Variants in DNAH5 observed in about 807,000 individuals in gnomAD.
DNAH5 encodes the protein dynein axonemal heavy chain 5.
DNAH5 carries 372 observed loss-of-function variants against 518.2 expected under a neutral mutation model. The observed-to-expected ratio is 0.72, with a 90% CI of 0.66 to 0.78. DNAH5 has a LOEUF of 0.78. Among genes scored for constraint, DNAH5 ranks in the 30% least tolerant of loss-of-function variants. The probability of loss-of-function intolerance (pLI) is 0.00; values close to 1 mark genes in which losing one functional copy is unlikely to be tolerated. For synonymous variants in DNAH5, 2,039 were observed against 2,025.9 expected (o/e 1.01, Z -0.17); for missense variants, 5,523 against 5,687.0 (o/e 0.97, Z 0.93).
At chr5:13,739,235 A>C (rs1209231736) in intron 65 of DNAH5, among the ~76,000 whole-genome samples, 1 of 152,186 alleles carries the variant, frequency 6.6e-6, no homozygotes, top group Non-Finnish European at 1.5e-5. Flanking sequence ...TGTAATCCCC[A>C]CAATCCCCAA....
intron 35 of DNAH5, among the ~76,000 whole-genome samples, chr5:13,835,037 C>A (rs1408006682): frequency 1.3e-5 from 2 of 152,134 alleles, no homozygotes; most frequent in African/African-American, 2.4e-5. Context: ...ATAATCCCAG[C>A]ACTTTGGGAG....
At chr5:13,931,355 T>C (rs549427731) in intron 1 of DNAH5, 111 bp from the exon 2 acceptor site, 2 of 1,288,448 alleles carry the variant, frequency 1.6e-6, no homozygotes, top group East Asian at 2.3e-5. Context: ...ATCCAGATAA[T>C]AGACAGCTTA....
intron 59 of DNAH5, among the ~76,000 whole-genome samples, chr5:13,764,421 C>G (rs559457279): frequency 2.0e-5 from 3 of 152,102 alleles, no homozygotes; most frequent in Non-Finnish European, 4.4e-5. Context: ...AAAAAATTAA[C>G]TGGACAAGCA....
rs115776799 is a variant in DNAH5, at chr5:13,786,242, C to G, written c.8757G>C (p.Glu2919Asp). The G allele has an allele frequency of 4.0e-3, 6,476 of 1,614,082 alleles. 19 individuals are homozygous for G. The highest frequency in any genetic ancestry group is 4.6e-3 in the Non-Finnish European group (5,459 of 1,180,012). ...RLNMFLQLYN[E>D]SIRGAGMDMV... ...TGTCCATGCCGGCGCCACGGATGCT[C>G]TCATTATAGAGCTGCAGGAACATAT... Residue 2919 changes from glutamate (E) to aspartate (D), a missense_variant, in exon 52 of 79, where the codon GAG (glutamate) becomes GAC (aspartate). This residue lies in a region of DNAH5 where 5,121 missense variants were observed against 5,223.3 expected (regional missense o/e 0.98). Transcript: ENST00000265104.
rs1314723762 is a variant in DNAH5, at chr5:13,865,845, C to A, written c.4178G>T (p.Gly1393Val). 7 of 1,613,508 alleles carry A rather than the reference C, an allele frequency of 4.3e-6. No individual in the cohort carries two copies. Among genetic ancestry groups the A allele is most frequent in the Non-Finnish European group, 5.1e-6 (6 of 1,179,676 alleles). The change falls in exon 27 of 79, where the codon GGC (glycine) becomes GTC (valine). Residue 1393 changes from glycine (G) to valine (V), a missense_variant. Physicochemically the swap from Gly to Val is moderately radical, Grantham distance 109. This residue lies in a region of DNAH5 where 5,121 missense variants were observed against 5,223.3 expected (regional missense o/e 0.98). Coordinates refer to ENST00000265104, the MANE Select transcript of DNAH5 (RefSeq NM_001369.3). ...CTGAGGATACTGTGTAGCTGGCAGG[C>A]CAAAAAGCTCCTCTCCTCCAGTATA... ...ITYTGGEELFGLPATQYPQLL... is the reference protein window; with the variant it reads ...ITYTGGEELFVLPATQYPQLL...
intron 55 of DNAH5, chr5:13,771,324 T>A: frequency 3.1e-6 from 1 of 318,124 alleles, no homozygotes; most frequent in Non-Finnish European, 6.0e-6. Context: ...AACTCAGAAA[T>A]CAGTGCCCAC....
At chr5:13,789,038 G>T (rs1398451557) in intron 50 of DNAH5, 124 bp from the exon 51 acceptor site, 2 of 823,594 alleles carry the variant, frequency 2.4e-6, no homozygotes, top group African/African-American at 1.7e-5. Flanking sequence ...AAAAGTTAGG[G>T]TTCAAATATG....
At chr5:13,960,012 C>A (rs1291993635) in intron 1 of DNAH5, among the ~76,000 whole-genome samples, 1 of 151,528 alleles carries the variant, frequency 6.6e-6, no homozygotes, top group Non-Finnish European at 1.5e-5. Context: ...AAAACACCCC[C>A]AGAACTGGAC....
chr5:13,958,799 A>G (rs1780950781), intron 1 of DNAH5, among the ~76,000 whole-genome samples: 1 of 152,218 alleles, frequency 6.6e-6, no homozygotes, highest in South Asian at 2.1e-4. Context: ...TCTCCCCCAA[A>G]TTATTATCTT....
chr5:13,761,839 C>T (rs961225735), intron 60 of DNAH5, among the ~76,000 whole-genome samples: 28 of 152,138 alleles, frequency 1.8e-4, no homozygotes, highest in East Asian at 1.9e-4. Context: ...ACCTCAAGAG[C>T]CTCAATTGCT....
intron 33 of DNAH5, among the ~76,000 whole-genome samples, chr5:13,841,387 A>G (rs1347237666): frequency 1.3e-5 from 2 of 152,224 alleles, no homozygotes; most frequent in Non-Finnish European, 1.5e-5. Flanking sequence ...GTGTTCAATC[A>G]GTACATTTTC....
chr5:13,709,631 G>C (rs1033836074), intron 75 of DNAH5, among the ~76,000 whole-genome samples: 3 of 152,172 alleles, frequency 2.0e-5, no homozygotes, highest in African/African-American at 7.2e-5. Context: ...TCTACTCCAA[G>C]AACAAAGCAG....
chr5:13,923,106 G>T (rs987332709), intron 4 of DNAH5, among the ~76,000 whole-genome samples, 174 bp downstream of exon 4: 27 of 152,112 alleles, frequency 1.8e-4, no homozygotes, highest in African/African-American at 6.3e-4. Flanking sequence ...TTACTCAAAA[G>T]ATTTAAAGGG....
chr5:13,919,079 A>G, intron 7 of DNAH5, 97 bp downstream of exon 7: 1 of 1,437,474 alleles, frequency 7.0e-7, no homozygotes, highest in Non-Finnish European at 9.8e-7. Context: ...ATCAAGGTAT[A>G]ATAACATTTT....
At chr5:13,934,239 C>G (rs1401805894) in intron 1 of DNAH5, among the ~76,000 whole-genome samples, 1 of 152,126 alleles carries the variant, frequency 6.6e-6, no homozygotes, top group East Asian at 1.9e-4. Context: ...CTAGCTGACC[C>G]CAGCACCAAC....
chr5:13,719,955 G>A (rs1744821914), intron 71 of DNAH5, among the ~76,000 whole-genome samples: 1 of 152,070 alleles, frequency 6.6e-6, no homozygotes, highest in Admixed American at 6.6e-5. Flanking sequence ...AAAATTGGGG[G>A]TCATGTAACA....
intron 38 of DNAH5, 55 bp from the exon 39 acceptor site, chr5:13,824,388 G>T: frequency 6.5e-7 from 1 of 1,545,688 alleles, no homozygotes; most frequent in Non-Finnish European, 8.9e-7. Flanking sequence ...ACTTGCAGAA[G>T]CCATATGAAT....
intron 75 of DNAH5, among the ~76,000 whole-genome samples, chr5:13,714,065 GGT>G: frequency 6.6e-6 from 1 of 152,086 alleles, no homozygotes; most frequent in Non-Finnish European, 1.5e-5. Flanking sequence ...TGAATAATCA[GGT>G]GTTTTAATAA....
chr5:13,915,033 T>G (rs1776483522), intron 9 of DNAH5, among the ~76,000 whole-genome samples: 1 of 152,112 alleles, frequency 6.6e-6, no homozygotes, highest in Non-Finnish European at 1.5e-5. Flanking sequence ...CCTGATCTTT[T>G]CATGTGACCA....
Sources: allele counts gnomAD v4.1 joint callset (sites outside exome capture counted in the v4.1 genomes callset), GRCh38; gene constraint gnomAD v4.1.1; regional missense constraint gnomAD v4.1.1; transcripts MANE v1.5; gene names NCBI Gene and HGNC (gene_info 2026-07-23, HGNC 2026-07-21).